PXT1: variants seen among roughly 807,000 people sequenced by gnomAD.
PXT1 encodes peroxisomal testis-specific protein 1.
A neutral mutation model predicts 11.0 loss-of-function variants in PXT1; 11 were observed. That is an observed-to-expected ratio of 1.00 (90% confidence interval 0.63 to 1.66). The LOEUF (loss-of-function observed/expected upper bound fraction) is 1.66, where lower values mean the gene tolerates loss of function less well. Ranked by LOEUF, PXT1 falls within the 40% of genes most tolerant of loss-of-function variation. The pLI, the probability that PXT1 is intolerant of heterozygous loss-of-function variation, is 0.00. For synonymous variants in PXT1, 43 were observed against 51.4 expected (o/e 0.84, Z 0.70); for missense variants, 141 against 155.5 (o/e 0.91, Z 0.49).
rs1214056784 is a variant in PXT1, at chr6:36,391,099, ATGT to A, written c.*668_*670del. On this transcript the variant is annotated 3_prime_UTR_variant, in exon 5 of 5. Coordinates refer to ENST00000454782, the MANE Select transcript of PXT1 (RefSeq NM_152990.4). ...GATCAAAGGTGAGAAAAGAACGTAA[ATGT>A]TGTAGAATCAGAGCCTGAGAAGGAA... is the stretch of plus-strand genomic sequence containing the variant. 1 of 152,472 alleles carries A rather than the reference ATGT, an allele frequency of 6.6e-6. No homozygotes were observed. Among genetic ancestry groups the A allele is most frequent in the Non-Finnish European group, 1.5e-5 (1 of 68,252 alleles). The allele number at this position is 152,472 out of a possible 1,614,324, so 9.4% of individuals were successfully genotyped here.
intron 3 of PXT1, among the ~76,000 whole-genome samples, chr6:36,412,477 T>A (rs1258609886): frequency 6.7e-6 from 1 of 148,164 alleles, no homozygotes. Flanking sequence ...CTGGCCAACA[T>A]GGTGAAACCC....
chr6:36,408,708 A>C (rs1443546743), intron 3 of PXT1, among the ~76,000 whole-genome samples: 1 of 39,574 alleles, frequency 2.5e-5, no homozygotes, highest in Admixed American at 1.9e-4. Context: ...TCTACCAAAA[A>C]AAAAAAAAAA....
chr6:36,392,124 C>G (rs994909058), intron 4 of PXT1: 10 of 386,600 alleles, frequency 2.6e-5, no homozygotes, highest in African/African-American at 2.1e-4. Context: ...AACTCCTGGG[C>G]TCAAGTGATT....
chr6:36,391,654 G>T lies in PXT1; in HGVS notation c.*116C>A. ...AAACTGGGTGTAGACCAACAGTGAT[G>T]GGTACAAAAAGAGGGAGACGGAGAA... On this transcript the variant is annotated 3_prime_UTR_variant, in exon 5 of 5. Coordinates refer to ENST00000454782, the MANE Select transcript of PXT1 (RefSeq NM_152990.4). 1.3e-6 allele frequency: 1 copy of T among 767,536 alleles called. No individual in the cohort carries two copies. The highest frequency in any genetic ancestry group is 2.3e-6 in the Non-Finnish European group (1 of 436,276). 47.5% of individuals were successfully genotyped at this position (767,536 alleles called of 1,614,324 possible).
chr6:36,405,734 C>A (rs1582252859), intron 3 of PXT1, among the ~76,000 whole-genome samples: 1 of 152,202 alleles, frequency 6.6e-6, no homozygotes, highest in Non-Finnish European at 1.5e-5. Flanking sequence ...AACTTTCAGT[C>A]CTGCAGGCTC....
At chr6:36,395,044 T>C (rs967176331) in intron 4 of PXT1, among the ~76,000 whole-genome samples, 1 of 152,290 alleles carries the variant, frequency 6.6e-6, no homozygotes, top group East Asian at 1.9e-4. Context: ...GGTCTCACTA[T>C]GTTGCCCAGG....
chr6:36,423,709 G>A (rs1308541871), intron 3 of PXT1, among the ~76,000 whole-genome samples: 1 of 152,156 alleles, frequency 6.6e-6, no homozygotes, highest in Non-Finnish European at 1.5e-5. Context: ...AAAGATGAAG[G>A]GGAGAAACGC....
At chr6:36,435,967 T>C (rs1330728008) in intron 2 of PXT1, among the ~76,000 whole-genome samples, 1 of 151,312 alleles carries the variant, frequency 6.6e-6, no homozygotes, top group Non-Finnish European at 1.5e-5. Context: ...AAGAAAGGAG[T>C]AAGTCAACAG....
rs535759606 is a variant in PXT1, at chr6:36,391,754, G to A, written c.*16C>T. On this transcript the variant is annotated 3_prime_UTR_variant, in exon 5 of 5. Transcript: ENST00000454782. The stretch of plus-strand genomic sequence containing the variant: ...AAAAGAAAACAGAACTTGACCACTT[G>A]ACCTTTACTTTCCTTTTACAGCAAA... 117 of 1,536,476 alleles carry A rather than the reference G, an allele frequency of 7.6e-5. 2 individuals are homozygous for A. The South Asian group carries it at 1.2e-3, about 16-fold the overall frequency.
chr6:36,424,854 G>A (rs1774581506), intron 3 of PXT1, among the ~76,000 whole-genome samples: 1 of 151,900 alleles, frequency 6.6e-6, no homozygotes, highest in Non-Finnish European at 1.5e-5. Flanking sequence ...AAATTAGCCG[G>A]GCATGCAGTG....
chr6:36,426,971 A>G (rs967692877), intron 2 of PXT1, among the ~76,000 whole-genome samples: 2 of 151,512 alleles, frequency 1.3e-5, no homozygotes, highest in Non-Finnish European at 2.9e-5. Flanking sequence ...ATATTGTAGA[A>G]TCAATCCAAA....
rs894897880 is a variant in PXT1, at chr6:36,390,932, A to T, written c.*838T>A. 6.6e-6 allele frequency: 1 copy of T among 152,258 alleles called. No individual in the cohort carries two copies. The highest frequency in any genetic ancestry group is 1.5e-5 in the Non-Finnish European group (1 of 68,066). 9.4% of individuals were successfully genotyped at this position (152,258 alleles called of 1,614,324 possible). A position where few individuals can be genotyped will look rare whatever the true frequency, so the allele number is the denominator to read the frequency against. On this transcript the variant is annotated 3_prime_UTR_variant, in exon 5 of 5. Transcript: ENST00000454782. ...TAGAAGGCAGGACTGTTGGCCAAGG[A>T]CTAAGCACTCCCGATTTTAAGCAGG...
chr6:36,395,420 G>T (rs184660284), intron 4 of PXT1, among the ~76,000 whole-genome samples: 1 of 149,256 alleles, frequency 6.7e-6, no homozygotes, highest in African/African-American at 2.5e-5. Flanking sequence ...TGCCAGACTT[G>T]AAATTCTGTT....
At chr6:36,393,800 T>A (rs1160637443) in intron 4 of PXT1, among the ~76,000 whole-genome samples, 2 of 151,900 alleles carry the variant, frequency 1.3e-5, no homozygotes, top group East Asian at 3.9e-4. Context: ...ACCCCAACAC[T>A]CCTTATCCCT....
chr6:36,391,829 A>T lies in PXT1; in HGVS notation c.346T>A (p.Phe116Ile), dbSNP rs745805993. The T allele has an allele frequency of 3.1e-6, 5 of 1,613,906 alleles. No individual in the cohort carries two copies. The South Asian group carries it at 5.5e-5, about 18-fold the overall frequency. Residue 116 changes from phenylalanine to isoleucine, a missense_variant, in exon 5 of 5, where the codon TTT (phenylalanine) becomes ATT (isoleucine). By Grantham distance (21) the Phe-to-Ile change is conservative. Transcript: ENST00000454782. ...GRDALDHFVF[F>I]FFRRVQVLLH... ...AACACCTGAACTCTTCTAAAGAAAAAGAAGACAAAATGATCTAGTGCATCT... is the reference window on the plus strand; with the variant it reads ...AACACCTGAACTCTTCTAAAGAAAATGAAGACAAAATGATCTAGTGCATCT...
intron 3 of PXT1, among the ~76,000 whole-genome samples, chr6:36,414,159 G>GA (rs11420145): frequency 0.74 from 113,233 of 152,008 alleles, 42,388 homozygotes; most frequent in East Asian, 0.8. Context: ...ACTAAATTAA[G>GA]AAGAAAAAAC....
At chr6:36,413,773 G>C (rs1475271412) in intron 3 of PXT1, among the ~76,000 whole-genome samples, 8 of 152,206 alleles carry the variant, frequency 5.3e-5, no homozygotes, top group Non-Finnish European at 8.8e-5. Context: ...GATATGAGTG[G>C]ACTGCTTGAG....
intron 3 of PXT1, among the ~76,000 whole-genome samples, chr6:36,420,807 C>G (rs962106081): frequency 1.3e-5 from 2 of 152,154 alleles, no homozygotes; most frequent in Non-Finnish European, 2.9e-5. Flanking sequence ...AATCCCAGCA[C>G]TTTGGGAGTC....
At chr6:36,429,508 C>CTTTT (rs112777415) in intron 2 of PXT1, among the ~76,000 whole-genome samples, 3,625 of 108,058 alleles carry the variant, frequency 0.034, 165 homozygotes, top group African/African-American at 0.065. Flanking sequence ...TTTTTCTTTT[C>CTTTT]TTTTTTTTTT....
Sources: gnomAD v4.1 joint callset for allele counts (sites outside exome capture counted in the v4.1 genomes callset) on GRCh38, gnomAD v4.1.1 for gene constraint, MANE v1.5 for transcripts, NCBI Gene and HGNC (gene_info 2026-07-23, HGNC 2026-07-21) for gene names.